RAB3B: variants seen among roughly 807,000 people sequenced by gnomAD.
RAB3B encodes the protein ras-related protein Rab-3B.
RAB3B carries 11 observed loss-of-function variants against 20.5 expected under a neutral mutation model. That is an observed-to-expected ratio of 0.54 (90% CI 0.34 to 0.89). The LOEUF (loss-of-function observed/expected upper bound fraction) is 0.89, where lower values mean the gene tolerates loss of function less well. Ranked by LOEUF, RAB3B falls within the 40% of genes least tolerant of loss-of-function variation. The pLI is 0.02. For synonymous variants in RAB3B, 99 were observed against 106.3 expected, an observed-to-expected ratio of 0.93 and a Z score of 0.42; for missense variants, 225 against 280.9, an observed-to-expected ratio of 0.80 and a Z score of 1.42.
At chr1:51,948,923 T>C (rs1390640075) in intron 2 of RAB3B, among the ~76,000 whole-genome samples, 1 of 152,194 alleles carries the variant, frequency 6.6e-6, no homozygotes, top group Admixed American at 6.5e-5. Flanking sequence ...AGTGTTCCAA[T>C]AAATATTTGT....
rs1166401040 is a variant in RAB3B, at chr1:51,975,792, G to C, written c.228+1098C>G. On this transcript the variant is annotated intron_variant, in intron 2 of 4. Transcript: ENST00000371655. ...GCGGATCACAAGGTCAGGAGTTCGAGACCAGCCTGGCCAACATGGTGAAAC... is the reference window on the plus strand; with the variant it reads ...GCGGATCACAAGGTCAGGAGTTCGACACCAGCCTGGCCAACATGGTGAAAC... Among the ~76,000 whole-genome samples, 3 of 152,122 alleles carry C rather than the reference G, an allele frequency of 2.0e-5. No homozygotes were observed. In the East Asian group the frequency reaches 5.8e-4, roughly 29 times the overall value.
At chr1:51,935,109 G>A (rs1166127299) in intron 3 of RAB3B, among the ~76,000 whole-genome samples, 1 of 152,200 alleles carries the variant, frequency 6.6e-6, no homozygotes, top group Non-Finnish European at 1.5e-5. Flanking sequence ...AGCGAAGAAG[G>A]TGTCAGTGAA....
intron 2 of RAB3B, among the ~76,000 whole-genome samples, chr1:51,941,117 A>G (rs2124261924): frequency 6.6e-6 from 1 of 152,238 alleles, no homozygotes; most frequent in African/African-American, 2.4e-5. Flanking sequence ...ATTTGGCAAT[A>G]TAAGGAGAAC....
intron 4 of RAB3B, among the ~76,000 whole-genome samples, chr1:51,927,602 C>T (rs977520486): frequency 4.6e-5 from 7 of 152,034 alleles, no homozygotes; most frequent in African/African-American, 1.7e-4. Flanking sequence ...ACAGTGAAAC[C>T]CCGTCTCTAC....
intron 1 of RAB3B, among the ~76,000 whole-genome samples, chr1:51,978,395 TA>T (rs1238369691): frequency 6.6e-6 from 1 of 152,222 alleles, no homozygotes; most frequent in African/African-American, 2.4e-5. Context: ...TATCAACTGG[TA>T]AATTCCACAC....
intron 2 of RAB3B, among the ~76,000 whole-genome samples, chr1:51,954,402 G>A (rs1684679356): frequency 6.6e-6 from 1 of 152,208 alleles, no homozygotes; most frequent in Non-Finnish European, 1.5e-5. Flanking sequence ...CCAAATGTCA[G>A]TAACATTTTC....
At chr1:51,933,232 T>G in intron 4 of RAB3B, 86 bp downstream of exon 4, 1 of 1,413,256 alleles carries the variant, frequency 7.1e-7, no homozygotes, top group Non-Finnish European at 9.7e-7. Context: ...ATGTCATAAA[T>G]ACAAACACAC....
At chr1:51,922,236 C>T (rs1046098935) in intron 4 of RAB3B, among the ~76,000 whole-genome samples, 2 of 152,026 alleles carry the variant, frequency 1.3e-5, no homozygotes, top group African/African-American at 2.4e-5. Context: ...TGGGGAGGTG[C>T]GGGGAGTGTA....
At chr1:51,961,948 T>C (rs1196460525) in intron 2 of RAB3B, among the ~76,000 whole-genome samples, 2 of 152,084 alleles carry the variant, frequency 1.3e-5, no homozygotes, top group African/African-American at 4.8e-5. Flanking sequence ...ATTTTTGTAT[T>C]TTTAGTAGAG....
chr1:51,959,024 C>G (rs763030262), intron 2 of RAB3B, among the ~76,000 whole-genome samples: 1 of 152,190 alleles, frequency 6.6e-6, no homozygotes, highest in Admixed American at 6.5e-5. Context: ...GAGTCAGACC[C>G]GGTCCCTGCC....
intron 1 of RAB3B, among the ~76,000 whole-genome samples, chr1:51,983,511 T>A (rs1685113803): frequency 6.6e-6 from 1 of 152,224 alleles, no homozygotes; most frequent in Non-Finnish European, 1.5e-5. Context: ...CTATACCATA[T>A]ACCATATAGG....
chr1:51,957,872 C>G (rs949898001), intron 2 of RAB3B, among the ~76,000 whole-genome samples: 2 of 152,200 alleles, frequency 1.3e-5, no homozygotes, highest in African/African-American at 2.4e-5. Context: ...AATTTCCAAG[C>G]CAGCCTTTGG....
In RAB3B at chr1:51,912,542, T is replaced by TAAAAAAAAAAA. The variant is rs61590258; in HGVS notation, c.*7374_*7384dup. 2.2e-3 allele frequency: 14 copies of TAAAAAAAAAAA among 6,388 alleles called. 2 individuals are homozygous for TAAAAAAAAAAA. The highest frequency in any genetic ancestry group is 6.4e-3 in the African/African-American group (8 of 1,258). 0.4% of individuals were successfully genotyped at this position (6,388 alleles called of 1,614,324 possible). Reference sequence around the variant, plus strand: ...GGCAACATAGCAAGACCGTCTCTATTAAAAAAAAAAAAATATATATATATA... The same window carrying TAAAAAAAAAAA: ...GGCAACATAGCAAGACCGTCTCTATTAAAAAAAAAAAAAAAAAAAAAAAATATATATATATA... On this transcript the variant is annotated 3_prime_UTR_variant, in exon 5 of 5. Transcript: ENST00000371655.
intron 1 of RAB3B, 149 bp downstream of exon 1, chr1:51,990,403 C>G (rs900215320): frequency 2.4e-4 from 36 of 148,954 alleles, no homozygotes; most frequent in African/African-American, 8.9e-4. Context: ...CCACCTCTGC[C>G]GCCGCGGAGC....
chr1:51,966,073 C>A (rs1251536450), intron 2 of RAB3B, among the ~76,000 whole-genome samples: 2 of 152,224 alleles, frequency 1.3e-5, no homozygotes, highest in East Asian at 3.8e-4. Context: ...CACTGAGTGC[C>A]CCTAAGAGGC....
intron 2 of RAB3B, among the ~76,000 whole-genome samples, chr1:51,959,665 T>C (rs924955209): frequency 6.6e-5 from 10 of 152,254 alleles, no homozygotes; most frequent in African/African-American, 2.4e-4. Flanking sequence ...TCAGTTGTGT[T>C]CTAGATGGGA....
At position 51,990,666 on chromosome 1, in the gene RAB3B, G is replaced by C. The variant is rs1358677943; in HGVS notation, c.-115C>G. Reference sequence around the variant, plus strand: ...GGGCGGGGCGCTGCGGGATGGTCTGGTCCGGTCAGGTCCTCACAGTGGCGC... The same window carrying C: ...GGGCGGGGCGCTGCGGGATGGTCTGCTCCGGTCAGGTCCTCACAGTGGCGC... On this transcript the variant is annotated 5_prime_UTR_variant, in exon 1 of 5. Transcript: ENST00000371655. 6.6e-6 allele frequency: 1 copy of C among 152,324 alleles called. No individual in the cohort carries two copies. Among genetic ancestry groups the C allele is most frequent in the Non-Finnish European group, 1.5e-5 (1 of 68,258 alleles). 9.4% of individuals were successfully genotyped at this position (152,324 alleles called of 1,614,324 possible).
At chr1:51,933,734 C>A (rs1224778390) in intron 3 of RAB3B, among the ~76,000 whole-genome samples, 1 of 152,112 alleles carries the variant, frequency 6.6e-6, no homozygotes, top group East Asian at 1.9e-4. Context: ...CTTCCTAGCT[C>A]CAGAACTGTG....
chr1:51,965,369 G>C (rs2124295229), intron 2 of RAB3B, among the ~76,000 whole-genome samples: 1 of 152,182 alleles, frequency 6.6e-6, no homozygotes, highest in African/African-American at 2.4e-5. Context: ...GTGAATTTTG[G>C]CTGGCCCGGT....
Sources: gnomAD v4.1 joint callset for allele counts (sites outside exome capture counted in the v4.1 genomes callset) on GRCh38, gnomAD v4.1.1 for gene constraint, MANE v1.5 for transcripts, NCBI Gene and HGNC (gene_info 2026-07-23, HGNC 2026-07-21) for gene names.